The following FRMD6 variants were observed in gnomAD, a reference collection of about 807,000 sequenced individuals.
FRMD6 encodes the protein FERM domain containing 6, also known as FERM domain-containing protein 6.
In FRMD6, 37 loss-of-function variants were observed where a neutral mutation model predicts 73.2. The observed-to-expected ratio is 0.51, with a 90% confidence interval of 0.39 to 0.66. The LOEUF is 0.66. Among genes scored for constraint, FRMD6 ranks in the 30% least tolerant of loss-of-function variants. The pLI, the probability that FRMD6 is intolerant of heterozygous loss-of-function variation, is 0.00. For missense variants in FRMD6, 714 were observed against 780.5 expected (o/e 0.91, Z 1.02); for synonymous variants, 273 against 282.2 (o/e 0.97, Z 0.33).
intron 2 of FRMD6, chr14:51,579,185 T>C (rs2139647253): frequency 6.6e-6 from 1 of 152,272 alleles, no homozygotes; most frequent in South Asian, 2.1e-4. Flanking sequence ...TTATATATAA[T>C]ATATTCAAGG....
At chr14:51,597,617 A>G (rs1889790635) in intron 2 of FRMD6, among the ~76,000 whole-genome samples, 1 of 152,214 alleles carries the variant, frequency 6.6e-6, no homozygotes. Flanking sequence ...CCAGTTTTTC[A>G]TCTGTAAGTG....
intron 1 of FRMD6, among the ~76,000 whole-genome samples, chr14:51,666,074 A>G (rs1222445101): frequency 6.6e-6 from 1 of 152,212 alleles, no homozygotes; most frequent in African/African-American, 2.4e-5. Flanking sequence ...TTATAGTGAC[A>G]CCTGTAGAAG....
chr14:51,657,430 G>A (rs1295687658), intron 1 of FRMD6, among the ~76,000 whole-genome samples: 1 of 152,194 alleles, frequency 6.6e-6, no homozygotes, highest in Non-Finnish European at 1.5e-5. Flanking sequence ...GTCATGGTTA[G>A]TTTTAAACTG....
rs1489051537 is a variant in FRMD6, at chr14:51,723,056, TGCCTGTA to T, written c.1492+979_1492+985del. On this transcript the variant is annotated intron_variant, in intron 12 of 13. Transcript: ENST00000344768. ...CAACAGAACCCTGGCTTCCCAGACC[TGCCTGTA>T]GCTGCAGGGAATCATCTCTCTGACC... 1.3e-5 allele frequency among the ~76,000 whole-genome samples: 2 copies of T among 152,224 alleles called. 1 individual carries two copies. Among genetic ancestry groups the T allele is most frequent in the Non-Finnish European group, 2.9e-5 (2 of 68,036 alleles).
chr14:51,550,072 G>A (rs1886726136), intron 1 of FRMD6, among the ~76,000 whole-genome samples: 1 of 152,116 alleles, frequency 6.6e-6, no homozygotes, highest in African/African-American at 2.4e-5. Flanking sequence ...AAATAATGGG[G>A]ATCCCTTTCT....
chr14:51,413,116 G>A, the FRMD6 span, among the ~76,000 whole-genome samples: 3 of 150,726 alleles, frequency 2.0e-5, no homozygotes, highest in South Asian at 4.2e-4. Flanking sequence ...TCAGCCTCCC[G>A]AGTAGCAGGG....
intron 1 of FRMD6, among the ~76,000 whole-genome samples, chr14:51,664,883 C>CA (rs1893464524): frequency 1.3e-5 from 2 of 152,142 alleles, no homozygotes; most frequent in South Asian, 4.1e-4. Flanking sequence ...TGGCTTGGAA[C>CA]AAATACACGA....
intron 1 of FRMD6, among the ~76,000 whole-genome samples, chr14:51,517,270 G>A (rs7141957): frequency 0.12 from 17,821 of 151,960 alleles, 1,158 homozygotes; most frequent in East Asian, 0.26. Flanking sequence ...CCATACATAC[G>A]AGTCTGTATC....
intron 6 of FRMD6, among the ~76,000 whole-genome samples, chr14:51,706,404 T>C (rs2140482927): frequency 6.6e-6 from 1 of 152,152 alleles, no homozygotes; most frequent in South Asian, 2.1e-4. Context: ...TTTCAGGGCC[T>C]CCTCTGTCAC....
At chr14:51,466,816 T>C in the FRMD6 span, among the ~76,000 whole-genome samples, 1 of 152,240 alleles carries the variant, frequency 6.6e-6, no homozygotes, top group South Asian at 2.1e-4. Flanking sequence ...ACTCTAAAAA[T>C]CAATTTGGGG....
At chr14:51,719,269 G>A (rs1040303082) in intron 10 of FRMD6, among the ~76,000 whole-genome samples, 17 of 152,176 alleles carry the variant, frequency 1.1e-4, no homozygotes, top group Non-Finnish European at 1.9e-4. Context: ...GTGTTTGACT[G>A]CGTTAAAGAA....
intron 1 of FRMD6, among the ~76,000 whole-genome samples, chr14:51,560,292 A>C (rs1887402820): frequency 1.3e-5 from 2 of 148,820 alleles, no homozygotes; most frequent in Admixed American, 6.9e-5. Context: ...AAAAATTCGT[A>C]AAATAAAAGG....
intron 1 of FRMD6, among the ~76,000 whole-genome samples, chr14:51,540,801 A>G (rs1417405174): frequency 2.0e-5 from 3 of 152,182 alleles, no homozygotes; most frequent in African/African-American, 7.2e-5. Context: ...TTAAAGGAAA[A>G]TGATTCAAAA....
chr14:51,474,510 C>T, the FRMD6 span, among the ~76,000 whole-genome samples: 1 of 152,072 alleles, frequency 6.6e-6, no homozygotes, highest in Admixed American at 6.5e-5. Context: ...TTTCAGAGGG[C>T]ACAGTGGTCT....
chr14:51,622,216 A>G (rs1890952203), intron 2 of FRMD6, among the ~76,000 whole-genome samples: 2 of 152,252 alleles, frequency 1.3e-5, no homozygotes, highest in South Asian at 2.1e-4. Context: ...ATGTAAGAAC[A>G]TCTTGTAACT....
At chr14:51,526,702 A>T (rs916192068) in intron 1 of FRMD6, among the ~76,000 whole-genome samples, 1 of 152,188 alleles carries the variant, frequency 6.6e-6, no homozygotes, top group Admixed American at 6.5e-5. Context: ...ATATTATCCT[A>T]CATTCTCCAC....
chr14:51,546,000 A>G (rs1253686841), intron 1 of FRMD6, among the ~76,000 whole-genome samples: 1 of 152,184 alleles, frequency 6.6e-6, no homozygotes, highest in East Asian at 1.9e-4. Context: ...TTATATCTAA[A>G]TTTAAAATAT....
chr14:51,554,530 G>C (rs370124934), intron 1 of FRMD6: 2 of 152,164 alleles, frequency 1.3e-5, no homozygotes, highest in Admixed American at 1.3e-4. Context: ...TTGATGCTAT[G>C]TTATCCTTGA....
intron 4 of FRMD6, among the ~76,000 whole-genome samples, chr14:51,701,374 G>GTA (rs1238378039): frequency 1.4e-5 from 2 of 142,130 alleles, no homozygotes; most frequent in Admixed American, 7.1e-5. Context: ...TATATGCTGA[G>GTA]TATATATATA....
Sources: gnomAD v4.1 joint callset for allele counts (sites outside exome capture counted in the v4.1 genomes callset) on GRCh38, gnomAD v4.1.1 for gene constraint, MANE v1.5 for transcripts, NCBI Gene and HGNC (gene_info 2026-07-23, HGNC 2026-07-21) for gene names.